Variants in BRINP3 observed in about 807,000 individuals in gnomAD.
BRINP3 encodes the protein BMP/retinoic acid inducible neural specific 3.
In BRINP3, 19 loss-of-function variants were observed where a neutral mutation model predicts 71.0. The observed-to-expected ratio is 0.27, with a 90% CI of 0.19 to 0.39. The LOEUF is 0.39. Ranked by LOEUF, BRINP3 falls within the 10% of genes least tolerant of loss-of-function variation. BRINP3 has a pLI of 1.00. For synonymous variants in BRINP3, 380 were observed against 337.7 expected, an observed-to-expected ratio of 1.13 and a Z score of -1.37; for missense variants, 959 against 940.8, an observed-to-expected ratio of 1.02 and a Z score of -0.25.
chr1:190,255,878 C>G (rs562347356), intron 4 of BRINP3, among the ~76,000 whole-genome samples: 6 of 151,638 alleles, frequency 4.0e-5, no homozygotes, highest in African/African-American at 1.5e-4. Flanking sequence ...GATTTTAGAT[C>G]TTTCCTGCTT....
intron 2 of BRINP3, among the ~76,000 whole-genome samples, chr1:190,301,215 A>ATACACACATACATATC: frequency 1.6e-5 from 1 of 62,424 alleles, no homozygotes; most frequent in Admixed American, 2.0e-4. Context: ...ATATATATAT[A>ATACACACATACATATC]TATATATATA....
intron 2 of BRINP3, among the ~76,000 whole-genome samples, chr1:190,429,281 C>A (rs1572024833): frequency 6.6e-6 from 1 of 152,062 alleles, no homozygotes; most frequent in East Asian, 1.9e-4. Context: ...TCAGCATAGA[C>A]TGGAAAGAAT....
At chr1:190,215,108 AAGAAAT>A (rs1237416877) in intron 6 of BRINP3, among the ~76,000 whole-genome samples, 13 of 151,454 alleles carry the variant, frequency 8.6e-5, no homozygotes, top group South Asian at 4.2e-4. Flanking sequence ...AAAAAAAAAA[AAGAAAT>A]GAAATCTTGC....
At chr1:190,206,560 G>T (rs1192691143) in intron 6 of BRINP3, among the ~76,000 whole-genome samples, 2 of 152,038 alleles carry the variant, frequency 1.3e-5, no homozygotes, top group African/African-American at 4.8e-5. Context: ...CTTAAGAATT[G>T]TTCCTCACAA....
chr1:190,256,154 C>A (rs1660641540), intron 4 of BRINP3, among the ~76,000 whole-genome samples: 1 of 152,104 alleles, frequency 6.6e-6, no homozygotes, highest in Non-Finnish European at 1.5e-5. Flanking sequence ...GATTTCTGTT[C>A]TTTTCCATTT....
At chr1:190,401,984 T>C (rs895727954) in intron 2 of BRINP3, among the ~76,000 whole-genome samples, 1 of 151,968 alleles carries the variant, frequency 6.6e-6, no homozygotes, top group Admixed American at 6.6e-5. Flanking sequence ...ATACTTGATA[T>C]GAACAACTAT....
intron 2 of BRINP3, among the ~76,000 whole-genome samples, chr1:190,394,216 TAATACTTTAA>T (rs1671430306): frequency 6.6e-6 from 1 of 151,572 alleles, no homozygotes; most frequent in African/African-American, 2.4e-5. Flanking sequence ...TAACAATTTA[TAATACTTTAA>T]AATACTTCTC....
In BRINP3 at chr1:190,226,145, C is replaced by T. The variant is rs1657355063; in HGVS notation, c.898G>A (p.Glu300Lys). 1 of 1,612,028 alleles carries T rather than the reference C, an allele frequency of 6.2e-7. No homozygotes were observed. Among genetic ancestry groups the T allele is most frequent in the Non-Finnish European group, 8.5e-7 (1 of 1,178,750 alleles). Residue 300 changes from glutamate (E) to lysine (K), a missense_variant, in exon 6 of 8, where the codon GAA becomes AAA. By Grantham distance (56) the Glu-to-Lys change is moderately conservative (BLOSUM62 1). Coordinates refer to ENST00000367462, the MANE Select transcript of BRINP3 (RefSeq NM_199051.3). Reference sequence around the variant, plus strand: ...TCAGTTATTCGAAGAAGATTCTCTTCCATGGCTTGAATGTCCATGGAGGGG... The same window carrying T: ...TCAGTTATTCGAAGAAGATTCTCTTTCATGGCTTGAATGTCCATGGAGGGG... ...NCPSMDIQAM[E>K]ENLLRITETW...
chr1:190,318,944 A>G (rs920768545), intron 2 of BRINP3, among the ~76,000 whole-genome samples: 2 of 152,086 alleles, frequency 1.3e-5, no homozygotes, highest in Admixed American at 6.6e-5. Flanking sequence ...TATATATTTC[A>G]TTCTATCTTT....
intron 7 of BRINP3, among the ~76,000 whole-genome samples, chr1:190,128,764 T>A (rs1182616398): frequency 4.6e-5 from 7 of 151,820 alleles, no homozygotes; most frequent in Non-Finnish European, 1.0e-4. Context: ...AGAGAAAGAT[T>A]AAATCATGCA....
At chr1:190,249,510 G>A (rs1659922365) in intron 4 of BRINP3, among the ~76,000 whole-genome samples, 2 of 151,670 alleles carry the variant, frequency 1.3e-5, no homozygotes, top group Admixed American at 1.3e-4. Flanking sequence ...GTAAAAAATA[G>A]CAACTGATTT....
At position 190,135,562 on chromosome 1, in the gene BRINP3, G is replaced by A. The variant is rs568781400; in HGVS notation, c.1184+25106C>T. On this transcript the variant is annotated intron_variant, in intron 7 of 7. Transcript: ENST00000367462. ...GAAATCATAATTGTGTACATTTCAT[G>A]TTCCATGGAGATAACAATAATCATG... Among the ~76,000 whole-genome samples, 4 of 152,154 alleles carry A rather than the reference G, an allele frequency of 2.6e-5. No individual in the cohort carries two copies. In the East Asian group the frequency reaches 7.7e-4, roughly 29 times the overall value.
chr1:190,331,886 G>C (rs1666987408), intron 2 of BRINP3, among the ~76,000 whole-genome samples: 1 of 151,926 alleles, frequency 6.6e-6, no homozygotes, highest in South Asian at 2.1e-4. Flanking sequence ...TAGACATGTT[G>C]ATGGCAGAAA....
At chr1:190,444,603 C>G (rs377375342) in intron 2 of BRINP3, among the ~76,000 whole-genome samples, 22 of 151,996 alleles carry the variant, frequency 1.4e-4, no homozygotes, top group African/African-American at 5.3e-4. Flanking sequence ...GGCTCGAACT[C>G]AGCTCGCTGA....
At position 190,290,975 on chromosome 1, in the gene BRINP3, G is replaced by A. The variant is rs143128106; in HGVS notation, c.237-9225C>T. 5.4e-3 allele frequency among the ~76,000 whole-genome samples: 823 copies of A among 151,710 alleles called. 5 individuals carry two copies. Among genetic ancestry groups the A allele is most frequent in the African/African-American group, 0.018 (753 of 41,398 alleles). On this transcript the variant is annotated intron_variant, in intron 2 of 7. Transcript: ENST00000367462. ...TGGGAGAGACAGAAAAAGATATGGA[G>A]TATAGAGAGAGAGAGGAAAGAGAAG...
intron 2 of BRINP3, among the ~76,000 whole-genome samples, chr1:190,389,285 C>T (rs536522511): frequency 1.3e-5 from 2 of 151,818 alleles, no homozygotes; most frequent in East Asian, 3.9e-4. Flanking sequence ...AATCTATTCC[C>T]TCCATTCCCC....
At chr1:190,189,567 T>C (rs1653849533) in intron 6 of BRINP3, among the ~76,000 whole-genome samples, 1 of 152,106 alleles carries the variant, frequency 6.6e-6, no homozygotes, top group Non-Finnish European at 1.5e-5. Flanking sequence ...TTTCATTGTG[T>C]TAATTGTATT....
chr1:190,461,802 G>C (rs1427522719), intron 1 of BRINP3, among the ~76,000 whole-genome samples: 3 of 152,158 alleles, frequency 2.0e-5, no homozygotes, highest in Non-Finnish European at 4.4e-5. Context: ...GATGAAAATA[G>C]CTTTGGCAGT....
At chr1:190,421,119 AT>A (rs1290139500) in intron 2 of BRINP3, among the ~76,000 whole-genome samples, 1 of 151,672 alleles carries the variant, frequency 6.6e-6, no homozygotes, top group Non-Finnish European at 1.5e-5. Context: ...TAGAAAAAAA[AT>A]GATTCCTGTT....
Sources: gnomAD v4.1 joint callset for allele counts (sites outside exome capture counted in the v4.1 genomes callset) on GRCh38, gnomAD v4.1.1 for gene constraint, MANE v1.5 for transcripts, NCBI Gene and HGNC (gene_info 2026-07-23, HGNC 2026-07-21) for gene names.